The following KCTD17 variants were observed in gnomAD, a reference collection of about 807,000 sequenced individuals.
KCTD17 encodes potassium channel tetramerization domain containing 17, also known as BTB/POZ domain-containing protein KCTD17.
Under a neutral mutation model 41.5 loss-of-function variants are expected in KCTD17, and 20 were observed. The observed-to-expected ratio is 0.48, with a 90% CI of 0.34 to 0.70. KCTD17 has a LOEUF of 0.70. KCTD17 is among the 30% of genes least tolerant of loss of function. The pLI, the probability that KCTD17 is intolerant of heterozygous loss-of-function variation, is 0.01. For missense variants in KCTD17, 317 were observed against 427.2 expected, an observed-to-expected ratio of 0.74 and a Z score of 2.27; for synonymous variants, 156 against 173.8, an observed-to-expected ratio of 0.90 and a Z score of 0.80.
At chr22:37,058,750 G>T (rs896592439) in intron 4 of KCTD17, among the ~76,000 whole-genome samples, 1 of 152,206 alleles carries the variant, frequency 6.6e-6, no homozygotes, top group Non-Finnish European at 1.5e-5. Flanking sequence ...AGAGCCTCTG[G>T]GTGTCTTTGG....
chr22:37,052,291 G>C, intron 1 of KCTD17: 1 of 371,776 alleles, frequency 2.7e-6, no homozygotes, highest in South Asian at 2.3e-5. Context: ...GGAAGGAGTC[G>C]ACGAGGCTAC....
intron 4 of KCTD17, 40 bp from the exon 5 acceptor site, chr22:37,059,273 C>A (rs1925493356): frequency 1.2e-6 from 2 of 1,608,024 alleles, no homozygotes; most frequent in African/African-American, 2.7e-5. Flanking sequence ...CGGCCCCCAA[C>A]ACCAACCTGC....
Position 37,061,801 on chromosome 22 carries a change from A to C in KCTD17, c.875+172A>C. On this transcript the variant is annotated intron_variant, in intron 8 of 8. Coordinates refer to ENST00000403888, the MANE Select transcript of KCTD17 (RefSeq NM_001282684.2). This position sits in a 1 kb window ranked among gnomAD's most constrained non-coding sequence, Gnocchi z 6.6. ...GAGGAGAAGAAAGTTAGGGAGTGGGAACTTTCCTACCAGCCCATCAGCACC... is the reference window on the plus strand; with the variant it reads ...GAGGAGAAGAAAGTTAGGGAGTGGGCACTTTCCTACCAGCCCATCAGCACC... 1 of 985,326 alleles carries C rather than the reference A, an allele frequency of 1.0e-6. No homozygotes were observed. Among genetic ancestry groups the C allele is most frequent in the Non-Finnish European group, 1.2e-6 (1 of 829,924 alleles). 61.0% of individuals were successfully genotyped at this position (985,326 alleles called of 1,614,324 possible).
rs1924701350 is a variant in KCTD17, at chr22:37,053,214, T to C, written c.298+6T>C. 2 of 1,590,270 alleles carry C rather than the reference T, an allele frequency of 1.3e-6. No individual in the cohort carries two copies. Among genetic ancestry groups the C allele is most frequent in the East Asian group, 4.6e-5 (2 of 43,716 alleles). On this transcript the variant is annotated splice_donor_region_variant and intron_variant, in intron 2 of 8. Transcript: ENST00000403888. The surrounding 1 kb of genome is among the most constrained non-coding windows in gnomAD (Gnocchi z 4.1). Reference sequence around the variant, plus strand: ...CAAGGACATGGCTGAGGAGGGTGAGTTGGTCCAGGGGGCTGGCCTGGACCT... The same window carrying C: ...CAAGGACATGGCTGAGGAGGGTGAGCTGGTCCAGGGGGCTGGCCTGGACCT...
intron 5 of KCTD17, chr22:37,059,659 C>T (rs776201042): frequency 1.4e-4 from 88 of 612,548 alleles, no homozygotes; most frequent in Non-Finnish European, 2.0e-4. Flanking sequence ...AGGGTGCAGC[C>T]GGCGTGGACT....
rs1034989508 is a variant in KCTD17, at chr22:37,061,234, C to A, written c.784+59C>A. The A allele has an allele frequency of 2.6e-6, 4 of 1,548,018 alleles. No homozygotes were observed. The African/African-American group carries it at 5.5e-5, about 21-fold the overall frequency. ...CCTGGATCTCATCTGCACCCTGCCT[C>A]TTCCCTCTCTGCCCCTGTCCGGGTT... On this transcript the variant is annotated intron_variant, in intron 7 of 8. Coordinates refer to ENST00000403888, the MANE Select transcript of KCTD17 (RefSeq NM_001282684.2). The surrounding 1 kb of genome is among the most constrained non-coding windows in gnomAD (Gnocchi z 6.6).
In KCTD17 at chr22:37,061,009, G is replaced by A. The variant is rs1225137409; in HGVS notation, c.712+87G>A. ...GCTGGAGCCAGCTGCAGAACCGGGG[G>A]CCCCGGGGCTGCTGGGGGGGCACCA... On this transcript the variant is annotated intron_variant, in intron 6 of 8. Transcript: ENST00000403888. This position sits in a 1 kb window ranked among gnomAD's most constrained non-coding sequence, Gnocchi z 6.6. The A allele has an allele frequency of 9.1e-6, 14 of 1,546,840 alleles. No homozygotes were observed. The Admixed American group carries it at 2.2e-4, about 24-fold the overall frequency.
intron 2 of KCTD17, chr22:37,055,152 C>A (rs998441863): frequency 4.6e-5 from 7 of 152,452 alleles, no homozygotes; most frequent in African/African-American, 1.4e-4. Flanking sequence ...CGCAGCTACT[C>A]ACATACCCTT....
intron 3 of KCTD17, among the ~76,000 whole-genome samples, chr22:37,057,009 G>T (rs960335127): frequency 6.6e-6 from 1 of 152,108 alleles, no homozygotes; most frequent in Admixed American, 6.5e-5. Context: ...GAGGCTCCGT[G>T]TCTCCTTGAG....
intron 8 of KCTD17, 64 bp from the exon 9 acceptor site, chr22:37,062,461 C>T: frequency 1.9e-6 from 3 of 1,561,582 alleles, no homozygotes; most frequent in Non-Finnish European, 2.6e-6. Context: ...CTGCATCACC[C>T]CCTCCTTACC....
chr22:37,051,993 G>A, intron 1 of KCTD17, 44 bp downstream of exon 1: 2 of 1,359,056 alleles, frequency 1.5e-6, no homozygotes, highest in South Asian at 1.7e-5. Flanking sequence ...TGGGTCCTCC[G>A]CTCGCCCGAC....
intron 4 of KCTD17, 57 bp from the exon 5 acceptor site, chr22:37,059,256 T>G: frequency 6.2e-7 from 1 of 1,603,854 alleles, no homozygotes; most frequent in Non-Finnish European, 8.5e-7. Flanking sequence ...TGTCGTATCC[T>G]GCCCCACGGC....
intron 4 of KCTD17, among the ~76,000 whole-genome samples, chr22:37,058,121 G>C (rs1393302412): frequency 6.6e-6 from 1 of 152,232 alleles, no homozygotes; most frequent in African/African-American, 2.4e-5. Flanking sequence ...GTTTCCAGAG[G>C]AGCAGAGCCA....
Position 37,053,081 on chromosome 22 carries a change from G to C in KCTD17, c.190-19G>C. 6.4e-7 allele frequency: 1 copy of C among 1,553,766 alleles called. No homozygotes were observed. The highest frequency in any genetic ancestry group is 8.7e-7 in the Non-Finnish European group (1 of 1,143,722). On this transcript the variant is annotated intron_variant, in intron 1 of 8. Coordinates refer to ENST00000403888, the MANE Select transcript of KCTD17 (RefSeq NM_001282684.2). The surrounding 1 kb of genome is among the most constrained non-coding windows in gnomAD (Gnocchi z 4.1). The stretch of plus-strand genomic sequence containing the variant: ...AGAAGCCTCACTCTTCTCTCACCGA[G>C]CATCCCTCACCTCCATAGGATGAGA...
chr22:37,057,357 TGCTCC>T, intron 3 of KCTD17, 36 bp from the exon 4 acceptor site: 3 of 1,537,008 alleles, frequency 2.0e-6, no homozygotes, highest in Non-Finnish European at 2.7e-6. Context: ...GGGTGCCTGG[TGCTCC>T]CACAGGTGCC....
chr22:37,062,781 C>T lies in KCTD17; in HGVS notation c.*187C>T. The T allele has an allele frequency of 2.3e-6, 3 of 1,305,168 alleles. No individual in the cohort carries two copies. The highest frequency in any genetic ancestry group is 3.1e-6 in the Non-Finnish European group (3 of 982,030). The allele number at this position is 1,305,168 out of a possible 1,614,324, so 80.8% of individuals were successfully genotyped here. On this transcript the variant is annotated 3_prime_UTR_variant, in exon 9 of 9. Coordinates refer to ENST00000403888, the MANE Select transcript of KCTD17 (RefSeq NM_001282684.2). Reference sequence around the variant, plus strand: ...CAGGACCTCTGGGCAGAGTGGACTGCTCATGGCAGATGTGTGGCAATGTCT... The same window carrying T: ...CAGGACCTCTGGGCAGAGTGGACTGTTCATGGCAGATGTGTGGCAATGTCT...
At chr22:37,054,892 A>G (rs1350510102) in intron 2 of KCTD17, 3 of 152,218 alleles carry the variant, frequency 2.0e-5, no homozygotes, top group Non-Finnish European at 2.9e-5. Context: ...TGTGAGCCCC[A>G]TCTTAGCCAT....
rs5756501 is a variant in KCTD17, at chr22:37,053,739, G to A, written c.298+531G>A. ...GTGGGTGGAGGCAGGAGAGGGGGGA[G>A]TCTGCTTCCCAGTGGGGCTTTGGTT... On this transcript the variant is annotated intron_variant, in intron 2 of 8. Transcript: ENST00000403888. This position sits in a 1 kb window ranked among gnomAD's most constrained non-coding sequence, Gnocchi z 4.1. 8.5e-5 allele frequency among the ~76,000 whole-genome samples: 13 copies of A among 152,174 alleles called. No homozygotes were observed. Among genetic ancestry groups the A allele is most frequent in the Non-Finnish European group, 1.6e-4 (11 of 68,010 alleles).
Position 37,052,832 on chromosome 22 carries a change from C to A in KCTD17, c.190-268C>A, listed in dbSNP as rs535289048. Among the ~76,000 whole-genome samples, 373 of 152,334 alleles carry A rather than the reference C, an allele frequency of 2.4e-3. 1 individual carries two copies. The highest frequency in any genetic ancestry group is 8.3e-3 in the African/African-American group (345 of 41,578). ...GCCAGTTGCCACTCAGACATCCTCT[C>A]ACCGGATGCTCACAGCAAACCCTGA... On this transcript the variant is annotated intron_variant, in intron 1 of 8. Coordinates refer to ENST00000403888, the MANE Select transcript of KCTD17 (RefSeq NM_001282684.2).
Sources: gnomAD v4.1 joint callset for allele counts (sites outside exome capture counted in the v4.1 genomes callset) on GRCh38, gnomAD v4.1.1 for gene constraint, Gnocchi (gnomAD v3.1) non-coding constraint, MANE v1.5 for transcripts, NCBI Gene and HGNC (gene_info 2026-07-23, HGNC 2026-07-21) for gene names.